BEND7: variants seen among roughly 807,000 people sequenced by gnomAD.
BEND7 encodes the protein BEN domain-containing protein 7.
Under a neutral mutation model 50.9 loss-of-function variants are expected in BEND7, and 28 were observed. The observed-to-expected ratio is 0.55, with a 90% CI of 0.41 to 0.75. The LOEUF (loss-of-function observed/expected upper bound fraction) is 0.75. Among genes scored for constraint, BEND7 ranks in the 30% least tolerant of loss-of-function variants. The pLI is 0.00. For missense variants in BEND7, 477 were observed against 491.3 expected, an observed-to-expected ratio of 0.97 and a Z score of 0.28; for synonymous variants, 170 against 183.9, an observed-to-expected ratio of 0.92 and a Z score of 0.61.
At chr10:13,515,945 G>C (rs2399972) in intron 2 of BEND7, among the ~76,000 whole-genome samples, 46,844 of 152,080 alleles carry the variant, frequency 0.31, 9,119 homozygotes, top group East Asian at 0.67. Flanking sequence ...CTGCCAACAT[G>C]TGGAGAGTGG....
At chr10:13,472,421 TA>T (rs1329218818) in intron 6 of BEND7, among the ~76,000 whole-genome samples, 1 of 151,986 alleles carries the variant, frequency 6.6e-6, no homozygotes, top group East Asian at 1.9e-4. Context: ...TCATCACTGT[TA>T]AACTCGGGGC....
chr10:13,488,723 C>G (rs886634404), intron 5 of BEND7, among the ~76,000 whole-genome samples: 9 of 152,152 alleles, frequency 5.9e-5, no homozygotes, highest in Non-Finnish European at 1.2e-4. Flanking sequence ...TCCTGACCTC[C>G]TGATCCGCCC....
chr10:13,441,867 C>T (rs905306038), intron 8 of BEND7, 117 bp from the exon 9 acceptor site: 5 of 1,037,728 alleles, frequency 4.8e-6, no homozygotes, highest in Admixed American at 2.4e-5. Context: ...TTGTAGCCCC[C>T]CAAAAGAAGA....
chr10:13,494,544 T>C (rs1200283312), intron 4 of BEND7, among the ~76,000 whole-genome samples: 1 of 152,264 alleles, frequency 6.6e-6, no homozygotes, highest in Non-Finnish European at 1.5e-5. Context: ...CCAGTGATTC[T>C]GCTGTGCAGC....
intron 6 of BEND7, among the ~76,000 whole-genome samples, chr10:13,453,615 T>C (rs1838288614): frequency 6.6e-6 from 1 of 152,168 alleles, no homozygotes; most frequent in African/African-American, 2.4e-5. Context: ...TACCATCAGA[T>C]GAAGAGCTCA....
chr10:13,485,860 T>C (rs569391361), intron 5 of BEND7, among the ~76,000 whole-genome samples: 1 of 152,312 alleles, frequency 6.6e-6, no homozygotes, highest in African/African-American at 2.4e-5. Flanking sequence ...ATCACTATTA[T>C]CATTTATTTT....
At chr10:13,457,414 T>C (rs1839226539) in intron 6 of BEND7, among the ~76,000 whole-genome samples, 2 of 152,248 alleles carry the variant, frequency 1.3e-5, no homozygotes, top group African/African-American at 2.4e-5. Context: ...TGAAAACTTA[T>C]TTGGTTTCAA....
chr10:13,473,619 G>T (rs1372498816), intron 6 of BEND7, among the ~76,000 whole-genome samples: 1 of 141,398 alleles, frequency 7.1e-6, no homozygotes, highest in Non-Finnish European at 1.5e-5. Flanking sequence ...ATCGCTGTTA[G>T]ACTCAGGGCC....
At chr10:13,487,392 T>TC (rs1294762240) in intron 5 of BEND7, among the ~76,000 whole-genome samples, 2 of 149,334 alleles carry the variant, frequency 1.3e-5, no homozygotes, top group South Asian at 2.2e-4. Flanking sequence ...TCTTTTCTTT[T>TC]TTTTTTTTTT....
chr10:13,457,088 C>T (rs897327768), intron 6 of BEND7, among the ~76,000 whole-genome samples: 1 of 152,200 alleles, frequency 6.6e-6, no homozygotes, highest in East Asian at 1.9e-4. Flanking sequence ...ACATCTCCCC[C>T]CTTGTAATAT....
chr10:13,473,350 C>G (rs1005312880), intron 6 of BEND7, among the ~76,000 whole-genome samples: 3 of 150,738 alleles, frequency 2.0e-5, no homozygotes, highest in Non-Finnish European at 4.4e-5. Context: ...CGCTGTTAGA[C>G]TCAGGGCCGA....
rs191392358 is a variant in BEND7, at chr10:13,444,579, C to A, written c.1234+2687G>T. ...GAGAGTCTGTATCAGAGCCCTTGGT[C>A]GATCCTGTGGTTCTGACCAGTGAGG... On this transcript the variant is annotated intron_variant, in intron 8 of 8. Coordinates refer to ENST00000466271, the MANE Select transcript of BEND7 (RefSeq NM_001369863.1). 2.0e-5 allele frequency: 3 copies of A among 152,300 alleles called. No homozygotes were observed. The East Asian group carries it at 5.8e-4, about 29-fold the overall frequency. The allele number at this position is 152,300 out of a possible 1,614,324, so 9.4% of individuals were successfully genotyped here. A position where few individuals can be genotyped will look rare whatever the true frequency, so the allele number is the denominator to read the frequency against.
chr10:13,512,953 G>A (rs1344767410), intron 2 of BEND7, among the ~76,000 whole-genome samples: 1 of 152,124 alleles, frequency 6.6e-6, no homozygotes, highest in Non-Finnish European at 1.5e-5. Context: ...TTAAATCAGT[G>A]TCTTCCAAAC....
intron 6 of BEND7, among the ~76,000 whole-genome samples, chr10:13,479,105 C>T (rs1194446454): frequency 1.3e-5 from 2 of 150,978 alleles, no homozygotes; most frequent in Admixed American, 6.6e-5. Context: ...CTCCCAGGTT[C>T]AAGTGATTCT....
At chr10:13,490,104 T>C (rs1347942451) in intron 5 of BEND7, among the ~76,000 whole-genome samples, 3 of 152,224 alleles carry the variant, frequency 2.0e-5, no homozygotes, top group Non-Finnish European at 2.9e-5. Context: ...TCTGCCATGA[T>C]TGACAGCCCC....
intron 2 of BEND7, among the ~76,000 whole-genome samples, chr10:13,508,822 A>G (rs1556990): frequency 0.98 from 149,710 of 152,330 alleles, 73,622 homozygotes; most frequent in Middle Eastern, 1. Context: ...TAGCACAGGA[A>G]ACAAAAGAGT....
chr10:13,441,771 G>A, intron 8 of BEND7, 21 bp from the exon 9 acceptor site: 17 of 1,612,638 alleles, frequency 1.1e-5, no homozygotes, highest in Non-Finnish European at 1.4e-5. Context: ...CAAAGGGACT[G>A]TTGTCAGGAA....
chr10:13,461,707 T>C (rs193197655), intron 6 of BEND7, among the ~76,000 whole-genome samples: 15 of 150,050 alleles, frequency 1.0e-4, no homozygotes, highest in African/African-American at 3.7e-4. Flanking sequence ...TACTCCAGCC[T>C]GGGAGACAGA....
chr10:13,449,338 T>C (rs544829672), intron 7 of BEND7, among the ~76,000 whole-genome samples: 130 of 152,310 alleles, frequency 8.5e-4, no homozygotes, highest in African/African-American at 3.1e-3. Flanking sequence ...ATAATCACCA[T>C]GTATTAAATG....
Sources: allele counts gnomAD v4.1 joint callset (sites outside exome capture counted in the v4.1 genomes callset), GRCh38; gene constraint gnomAD v4.1.1; transcripts MANE v1.5; gene names NCBI Gene and HGNC (gene_info 2026-07-23, HGNC 2026-07-21).